The following RORA variants were observed in gnomAD, a reference collection of about 807,000 sequenced individuals.
RORA encodes RAR related orphan receptor A.
RORA carries 7 observed loss-of-function variants against 69.5 expected under a neutral mutation model. That is an observed-to-expected ratio of 0.10 (90% CI 0.06 to 0.19). The LOEUF (loss-of-function observed/expected upper bound fraction) is 0.19, where lower values mean the gene tolerates loss of function less well. Among genes scored for constraint, RORA ranks in the 10% least tolerant of loss-of-function variants. RORA has a pLI of 1.00. For missense variants in RORA, 457 were observed against 663.0 expected (o/e 0.69, Z 3.41); for synonymous variants, 261 against 240.8 (o/e 1.08, Z -0.78).
chr15:60,736,558 T>C (rs761606367), intron 1 of RORA, among the ~76,000 whole-genome samples: 24 of 152,180 alleles, frequency 1.6e-4, no homozygotes, highest in Non-Finnish European at 2.9e-4. Context: ...TATTTTTTTC[T>C]TCCTGAAAAA....
rs199885455 is a variant in RORA at position 60,667,939 on chromosome 15, A to AT, written c.196+10717dup. Among the ~76,000 whole-genome samples, 1,034 of 147,154 alleles carry AT rather than the reference A, an allele frequency of 7.0e-3. 4 individuals are homozygous for AT. The highest frequency in any genetic ancestry group is 0.01 in the African/African-American group (410 of 40,056). On this transcript the variant is annotated intron_variant, in intron 2 of 10. Transcript: ENST00000335670. ...CACCCAGCCCAAAGAGTATGATTCT[A>AT]TTTTTTTTTTTTAAATTTAATTCCT... is the stretch of plus-strand genomic sequence containing the variant.
intron 1 of RORA, among the ~76,000 whole-genome samples, chr15:61,052,006 G>A (rs2078021889): frequency 6.6e-6 from 1 of 152,226 alleles, no homozygotes. Flanking sequence ...GAAGTCTTAT[G>A]CACACAGCAC....
intron 1 of RORA, among the ~76,000 whole-genome samples, chr15:60,989,330 T>C (rs985145885): frequency 4.6e-5 from 7 of 152,238 alleles, no homozygotes; most frequent in Non-Finnish European, 8.8e-5. Flanking sequence ...ATCTGAACTT[T>C]TGTGTATGGT....
intron 2 of RORA, among the ~76,000 whole-genome samples, chr15:60,597,545 A>C (rs1324242212): frequency 1.5e-5 from 1 of 65,686 alleles, no homozygotes; most frequent in Non-Finnish European, 2.9e-5. Context: ...ACACACACAC[A>C]CACAACATAT....
chr15:61,190,895 T>C (rs1224479733), intron 1 of RORA, among the ~76,000 whole-genome samples: 1 of 152,242 alleles, frequency 6.6e-6, no homozygotes, highest in Non-Finnish European at 1.5e-5. Context: ...CTTATATATA[T>C]GAATCTCATT....
chr15:60,698,473 GA>G (rs1452749844), intron 1 of RORA, among the ~76,000 whole-genome samples: 4 of 152,062 alleles, frequency 2.6e-5, no homozygotes, highest in Middle Eastern at 3.4e-3. Context: ...AGGACATGTA[GA>G]AAAAAATTTT....
At chr15:61,020,480 C>T (rs954205826) in intron 1 of RORA, among the ~76,000 whole-genome samples, 4 of 152,318 alleles carry the variant, frequency 2.6e-5, no homozygotes, top group African/African-American at 4.8e-5. Context: ...GCCCAATATT[C>T]ACATCTCTAA....
chr15:60,878,152 C>T lies in RORA; in HGVS notation c.167-199466G>A, dbSNP rs534466160. ...CCATCCTGGCTAACAAGGTGAAACC[C>T]TGCTTCTACTAAAAATACAAAAAAA... On this transcript the variant is annotated intron_variant, in intron 1 of 10. Transcript: ENST00000335670. 1.8e-3 allele frequency among the ~76,000 whole-genome samples: 242 copies of T among 134,924 alleles called. 4 individuals are homozygous for T. The highest frequency in any genetic ancestry group is 0.018 in the South Asian group (75 of 4,182). 88.5% of individuals were successfully genotyped at this position (134,924 alleles called of 152,430 possible).
chr15:60,790,603 A>G (rs2072401408), intron 1 of RORA, among the ~76,000 whole-genome samples: 1 of 152,206 alleles, frequency 6.6e-6, no homozygotes, highest in African/African-American at 2.4e-5. Flanking sequence ...GTTTGAGAAC[A>G]TTCCTCGTCT....
chr15:61,023,533 G>A (rs942234949), intron 1 of RORA, among the ~76,000 whole-genome samples: 8 of 152,194 alleles, frequency 5.3e-5, no homozygotes, highest in African/African-American at 1.9e-4. Flanking sequence ...TGGGAGTACA[G>A]TTCCAGATGA....
chr15:60,840,632 A>G lies in RORA; in HGVS notation c.167-161946T>C, dbSNP rs752568300. 4.6e-5 allele frequency among the ~76,000 whole-genome samples: 7 copies of G among 152,350 alleles called. No individual in the cohort carries two copies. The South Asian group carries it at 1.4e-3, about 32-fold the overall frequency. On this transcript the variant is annotated intron_variant, in intron 1 of 10. Transcript: ENST00000335670. ...CTGCCTTTTCCCTCCAGAGAGGGAC[A>G]CTGCATGTGTCCCGCCACTGCTAGG... is the stretch of plus-strand genomic sequence containing the variant.
At chr15:60,658,133 T>A (rs970180430) in intron 2 of RORA, among the ~76,000 whole-genome samples, 7 of 151,738 alleles carry the variant, frequency 4.6e-5, no homozygotes, top group African/African-American at 1.7e-4. Context: ...CAGGCTGGAG[T>A]GCAGTGGCGT....
At chr15:61,089,272 A>G (rs2078670370) in intron 1 of RORA, among the ~76,000 whole-genome samples, 1 of 152,164 alleles carries the variant, frequency 6.6e-6, no homozygotes, top group South Asian at 2.1e-4. Flanking sequence ...AAAGTCCAAG[A>G]TAAGTGGCCA....
At chr15:60,704,919 T>C (rs372429163) in intron 1 of RORA, among the ~76,000 whole-genome samples, 33 of 152,322 alleles carry the variant, frequency 2.2e-4, no homozygotes, top group African/African-American at 1.9e-4. Context: ...ACCTACATTA[T>C]GTTTTGCTGT....
At chr15:60,808,591 A>G (rs2072692763) in intron 1 of RORA, among the ~76,000 whole-genome samples, 1 of 151,966 alleles carries the variant, frequency 6.6e-6, no homozygotes, top group Non-Finnish European at 1.5e-5. Flanking sequence ...AAGTCATTAT[A>G]TGAAAAAGAT....
At chr15:60,908,509 G>A (rs548898032) in intron 1 of RORA, among the ~76,000 whole-genome samples, 2 of 152,194 alleles carry the variant, frequency 1.3e-5, no homozygotes, top group South Asian at 2.1e-4. Context: ...AGGGGTAGGC[G>A]GCACTATTAG....
intron 1 of RORA, among the ~76,000 whole-genome samples, chr15:61,166,909 C>A (rs1162792869): frequency 2.6e-5 from 4 of 152,208 alleles, no homozygotes; most frequent in African/African-American, 9.7e-5. Flanking sequence ...TCCCCATCCT[C>A]ATCCCCACAA....
At chr15:60,788,326 G>C (rs1006498350) in intron 1 of RORA, among the ~76,000 whole-genome samples, 8 of 152,186 alleles carry the variant, frequency 5.3e-5, no homozygotes, top group African/African-American at 1.9e-4. Flanking sequence ...GATTGCAATA[G>C]AATGTGCTAA....
At chr15:60,974,773 C>A (rs1168586765) in intron 1 of RORA, among the ~76,000 whole-genome samples, 4 of 152,148 alleles carry the variant, frequency 2.6e-5, no homozygotes, top group Non-Finnish European at 5.9e-5. Flanking sequence ...CAGCCTCCAC[C>A]CCAGCGTGGG....
Sources: gnomAD v4.1 joint callset for allele counts (sites outside exome capture counted in the v4.1 genomes callset) on GRCh38, gnomAD v4.1.1 for gene constraint, MANE v1.5 for transcripts, NCBI Gene and HGNC (gene_info 2026-07-23, HGNC 2026-07-21) for gene names.